The following MPHOSPH10 variants were observed in gnomAD, a reference collection of about 807,000 sequenced individuals.
MPHOSPH10 encodes the protein M-phase phosphoprotein 10, also known as U3 small nucleolar ribonucleoprotein MPP10.
MPHOSPH10 carries 33 observed loss-of-function variants against 77.3 expected under a neutral mutation model. The ratio of observed to expected loss-of-function variants is 0.43; its 90% CI spans 0.32 to 0.57. The LOEUF (loss-of-function observed/expected upper bound fraction) is 0.57, where lower values mean the gene tolerates loss of function less well. Ranked by LOEUF, MPHOSPH10 falls within the 20% of genes least tolerant of loss-of-function variation. The probability of loss-of-function intolerance (pLI) is 0.07; values close to 1 mark genes in which losing one functional copy is unlikely to be tolerated. For missense variants in MPHOSPH10, 708 were observed against 780.1 expected (o/e 0.91, Z 1.10); for synonymous variants, 245 against 268.0 (o/e 0.91, Z 0.84).
chr2:71,134,286 A>G (rs1445023166), intron 3 of MPHOSPH10, among the ~76,000 whole-genome samples, 181 bp downstream of exon 3: 2 of 152,230 alleles, frequency 1.3e-5, no homozygotes, highest in African/African-American at 4.8e-5. Context: ...TAATGAAGAA[A>G]AATATCTCTG....
chr2:71,136,729 A>G (rs907970745), intron 4 of MPHOSPH10, among the ~76,000 whole-genome samples: 1 of 152,096 alleles, frequency 6.6e-6, no homozygotes, highest in African/African-American at 2.4e-5. Flanking sequence ...CCCAACAAAT[A>G]AAGAAAGAAA....
chr2:71,132,023 G>C (rs1261431945), intron 1 of MPHOSPH10, among the ~76,000 whole-genome samples: 1 of 152,050 alleles, frequency 6.6e-6, no homozygotes, highest in African/African-American at 2.4e-5. Context: ...TGTCTTTTCA[G>C]GTACTCAAAC....
chr2:71,139,185 C>T lies in MPHOSPH10; in HGVS notation c.1240+554C>T, dbSNP rs183835843. The T allele has an allele frequency of 2.2e-3, 356 of 162,506 alleles. 4 individuals carry two copies. The highest frequency in any genetic ancestry group is 0.018 in the South Asian group (106 of 5,788). 10.1% of individuals were successfully genotyped at this position (162,506 alleles called of 1,614,324 possible). ...AGCATATGTAAGATTGTATATGTGCCCTTTTTTTAAGTAAGTTGCCAATCT... is the reference window on the plus strand; with the variant it reads ...AGCATATGTAAGATTGTATATGTGCTCTTTTTTTAAGTAAGTTGCCAATCT... On this transcript the variant is annotated intron_variant, in intron 5 of 10. Coordinates refer to ENST00000244230, the MANE Select transcript of MPHOSPH10 (RefSeq NM_005791.3).
In MPHOSPH10 at chr2:71,133,159, G is replaced by GGAT; in HGVS notation, c.353_355dup (p.Asp118dup). The GGAT allele has an allele frequency of 6.2e-7, 1 of 1,614,146 alleles. No individual in the cohort carries two copies. The highest frequency in any genetic ancestry group is 8.5e-7 in the Non-Finnish European group (1 of 1,180,008). On this transcript the variant is annotated inframe_insertion, in exon 2 of 11. Transcript: ENST00000244230. Reference sequence around the variant, plus strand: ...AGAGTGAAGAACAGGAACGTGAAGAGGATGGTTCAGAGATAGAGGCTGATG... The same window carrying GGAT: ...AGAGTGAAGAACAGGAACGTGAAGAGGATGATGGTTCAGAGATAGAGGCTGATG...
chr2:71,146,353 T>TG (rs3070613), intron 8 of MPHOSPH10, among the ~76,000 whole-genome samples: 1 of 147,304 alleles, frequency 6.8e-6, no homozygotes, highest in Non-Finnish European at 1.5e-5. Context: ...TTTTTTTTTT[T>TG]GAGACAGAAT....
At chr2:71,141,596 T>TA (rs773991935) in intron 7 of MPHOSPH10, among the ~76,000 whole-genome samples, 8 of 152,334 alleles carry the variant, frequency 5.3e-5, no homozygotes, top group Middle Eastern at 3.4e-3. Flanking sequence ...CTGATACTTT[T>TA]ACAACTCATT....
At chr2:71,134,881 T>A (rs936398166) in intron 4 of MPHOSPH10, 84 bp downstream of exon 4, 143 of 1,161,696 alleles carry the variant, frequency 1.2e-4, no homozygotes, top group Non-Finnish European at 1.4e-4. Context: ...AAAACAAATA[T>A]CTTGGCCAGG....
At position 71,138,607 on chromosome 2, in the gene MPHOSPH10, C is replaced by T. The variant is rs1441662796; in HGVS notation, c.1216C>T (p.His406Tyr). Residue 406 changes from histidine to tyrosine, a missense_variant, in exon 5 of 11, where the codon CAC (histidine) becomes TAC (tyrosine). Coordinates refer to ENST00000244230, the MANE Select transcript of MPHOSPH10 (RefSeq NM_005791.3). ...GAACAGCCTCCTGGAGGAGACCCTA[C>T]ACTTTGACCATGCTGTCCGGATGGG... is the stretch of plus-strand genomic sequence containing the variant. ...PENSLLEETL[H>Y]FDHAVRMAPV... 6.2e-7 allele frequency: 1 copy of T among 1,614,074 alleles called. No individual in the cohort carries two copies. Among genetic ancestry groups the T allele is most frequent in the African/African-American group, 1.3e-5 (1 of 74,930 alleles).
At chr2:71,147,935 A>C (rs357744) in intron 8 of MPHOSPH10, 64 bp from the exon 9 acceptor site, 364,164 of 1,212,678 alleles carry the variant, frequency 0.3, 56,850 homozygotes, top group Admixed American at 0.4. Context: ...ATAGGTTCAC[A>C]GTTCACACAT....
At chr2:71,147,678 A>AG (rs1673741733) in intron 8 of MPHOSPH10, among the ~76,000 whole-genome samples, 1 of 135,744 alleles carries the variant, frequency 7.4e-6, no homozygotes, top group Admixed American at 7.0e-5. Context: ...GTCTCAAAAG[A>AG]AAAAAAAAAA....
In MPHOSPH10 at chr2:71,149,462, A is replaced by C; in HGVS notation, c.1896+9A>C. On this transcript the variant is annotated intron_variant, in intron 10 of 10. Coordinates refer to ENST00000244230, the MANE Select transcript of MPHOSPH10 (RefSeq NM_005791.3). ...AAGCTTCCTTCATAAAGGTAAGGAC[A>C]AGGGAAAGAAAACTGCTCAAGGGGA... is the stretch of plus-strand genomic sequence containing the variant. 2 of 1,605,290 alleles carry C rather than the reference A, an allele frequency of 1.2e-6. No individual in the cohort carries two copies. Among genetic ancestry groups the C allele is most frequent in the Non-Finnish European group, 1.7e-6 (2 of 1,176,354 alleles).
chr2:71,136,913 A>AAC (rs56768441), intron 4 of MPHOSPH10, among the ~76,000 whole-genome samples: 6,518 of 118,908 alleles, frequency 0.055, 192 homozygotes, highest in South Asian at 0.093. Flanking sequence ...GTAGCATTAA[A>AAC]ACACACACAC....
At chr2:71,143,813 C>T (rs1229322866) in intron 7 of MPHOSPH10, among the ~76,000 whole-genome samples, 4 of 152,196 alleles carry the variant, frequency 2.6e-5, no homozygotes, top group Admixed American at 2.0e-4. Context: ...CACGGTATTC[C>T]GTTGTGTGTA....
chr2:71,132,756 A>C, intron 1 of MPHOSPH10, 142 bp from the exon 2 acceptor site: 1 of 1,109,838 alleles, frequency 9.0e-7, no homozygotes, highest in South Asian at 1.8e-5. Flanking sequence ...TCATCAGCTT[A>C]TATGTTGTTG....
intron 8 of MPHOSPH10, among the ~76,000 whole-genome samples, chr2:71,144,978 A>G (rs777723787): frequency 3.3e-5 from 5 of 152,216 alleles, no homozygotes; most frequent in Non-Finnish European, 5.9e-5. Context: ...CTAACACTTA[A>G]TGCACACAAC....
chr2:71,144,013 T>G lies in MPHOSPH10; in HGVS notation c.1447-415T>G, dbSNP rs142515609. Among the ~76,000 whole-genome samples the G allele has an allele frequency of 2.8e-3, 433 of 152,340 alleles. 5 individuals carry two copies. The highest frequency in any genetic ancestry group is 9.8e-3 in the African/African-American group (406 of 41,580). The stretch of plus-strand genomic sequence containing the variant: ...TAGCTTTTTGAAGACCTGCCAAGCT[T>G]GTTGCCACTGTGGCCGCATCATTTT... On this transcript the variant is annotated intron_variant, in intron 7 of 10. Coordinates refer to ENST00000244230, the MANE Select transcript of MPHOSPH10 (RefSeq NM_005791.3).
intron 5 of MPHOSPH10, chr2:71,139,047 G>A: frequency 2.2e-5 from 8 of 370,122 alleles, no homozygotes; most frequent in Non-Finnish European, 4.0e-5. Flanking sequence ...TGTCAAAAAA[G>A]AAAAAATCAA....
At chr2:71,143,821 G>A (rs755395090) in intron 7 of MPHOSPH10, among the ~76,000 whole-genome samples, 5 of 152,210 alleles carry the variant, frequency 3.3e-5, no homozygotes, top group Non-Finnish European at 5.9e-5. Flanking sequence ...TCCGTTGTGT[G>A]TATTTACCAC....
rs757472401 is a variant in MPHOSPH10, at chr2:71,133,293, A to C, written c.485A>C (p.Lys162Thr). Residue 162 changes from lysine (K) to threonine (T), a missense_variant, in exon 2 of 11, where the codon AAA becomes ACA. Around this residue, in one of 3 missense-constraint regions of MPHOSPH10, gnomAD observed 433 missense variants for 432.6 expected, o/e 1.00. Coordinates refer to ENST00000244230, the MANE Select transcript of MPHOSPH10 (RefSeq NM_005791.3). ...AENSSKSDLRKSPVFSDEDSD... is the reference protein window; with the variant it reads ...AENSSKSDLRTSPVFSDEDSD... ...AACTCAAGCAAATCTGATCTGAGGAAAAGCCCCGTTTTCAGTGATGAGGAT... is the reference window on the plus strand; with the variant it reads ...AACTCAAGCAAATCTGATCTGAGGACAAGCCCCGTTTTCAGTGATGAGGAT... 3.7e-6 allele frequency: 6 copies of C among 1,614,152 alleles called. No homozygotes were observed. Among genetic ancestry groups the C allele is most frequent in the Non-Finnish European group, 5.1e-6 (6 of 1,180,016 alleles).
Sources: allele counts gnomAD v4.1 joint callset (sites outside exome capture counted in the v4.1 genomes callset), GRCh38; gene constraint gnomAD v4.1.1; regional missense constraint gnomAD v4.1.1; transcripts MANE v1.5; gene names NCBI Gene and HGNC (gene_info 2026-07-23, HGNC 2026-07-21).